Variants in FOXP2 observed in about 807,000 individuals in gnomAD.
FOXP2 encodes the protein forkhead box protein P2.
In FOXP2, 12 loss-of-function variants were observed where a neutral mutation model predicts 115.8. The observed-to-expected ratio is 0.10, with a 90% CI of 0.07 to 0.17. The LOEUF (loss-of-function observed/expected upper bound fraction) is 0.17. FOXP2 is among the 10% of genes least tolerant of loss of function. FOXP2 has a pLI of 1.00. For missense variants in FOXP2, 629 were observed against 843.5 expected (o/e 0.75, Z 3.15); for synonymous variants, 328 against 297.7 (o/e 1.10, Z -1.05).
At chr7:114,525,640 A>T (rs910907452) in intron 2 of FOXP2, among the ~76,000 whole-genome samples, 1 of 152,060 alleles carries the variant, frequency 6.6e-6, no homozygotes, top group Non-Finnish European at 1.5e-5. Context: ...TATTTTCTGA[A>T]TTAGTTGAGA....
chr7:114,673,741 C>T (rs1807612554), intron 16 of FOXP2, among the ~76,000 whole-genome samples: 1 of 151,974 alleles, frequency 6.6e-6, no homozygotes, highest in South Asian at 2.1e-4. Context: ...CTCTTGTTGC[C>T]CAGGCTGGAG....
chr7:114,334,606 A>G (rs1290519108), intron 2 of FOXP2, among the ~76,000 whole-genome samples: 2 of 149,490 alleles, frequency 1.3e-5, no homozygotes, highest in East Asian at 2.0e-4. Flanking sequence ...AAAAAAATCC[A>G]TGTCCCTTTA....
intron 1 of FOXP2, among the ~76,000 whole-genome samples, chr7:114,284,116 C>G (rs1796405057): frequency 6.6e-6 from 1 of 152,112 alleles, no homozygotes; most frequent in Admixed American, 6.6e-5. Flanking sequence ...CATACCTCAA[C>G]AAATTTGTAA....
intron 3 of FOXP2, among the ~76,000 whole-genome samples, chr7:114,535,090 TC>T (rs1227231472): frequency 1.3e-5 from 2 of 151,798 alleles, no homozygotes; most frequent in Non-Finnish European, 3.0e-5. Context: ...AGACAACCCT[TC>T]CGCAGTTGTA....
chr7:114,247,000 G>A (rs1795300896), intron 1 of FOXP2, among the ~76,000 whole-genome samples: 1 of 152,088 alleles, frequency 6.6e-6, no homozygotes, highest in South Asian at 2.1e-4. Context: ...TTCTCCAAAT[G>A]CCTTTATGTT....
intron 3 of FOXP2, among the ~76,000 whole-genome samples, chr7:114,620,525 T>G (rs1346215861): frequency 6.6e-6 from 1 of 152,048 alleles, no homozygotes; most frequent in East Asian, 1.9e-4. Flanking sequence ...TAGAAACCTT[T>G]CAGCAAGACT....
intron 3 of FOXP2, among the ~76,000 whole-genome samples, chr7:114,563,907 T>C (rs767660323): frequency 1.3e-5 from 2 of 152,168 alleles, no homozygotes; most frequent in African/African-American, 4.8e-5. Context: ...GTCAAATCCT[T>C]AGAAGTTAGC....
chr7:114,444,433 G>A (rs1388937650), intron 2 of FOXP2, among the ~76,000 whole-genome samples: 9 of 152,096 alleles, frequency 5.9e-5, no homozygotes, highest in African/African-American at 9.7e-5. Context: ...CAAGTGTGGT[G>A]GTGATTTTTA....
chr7:114,303,631 C>T (rs569756117), intron 2 of FOXP2, among the ~76,000 whole-genome samples: 1 of 152,176 alleles, frequency 6.6e-6, no homozygotes, highest in South Asian at 2.1e-4. Flanking sequence ...TCTTAATCTG[C>T]TCACCATTTT....
At chr7:114,276,775 T>A (rs1796199759) in intron 1 of FOXP2, among the ~76,000 whole-genome samples, 1 of 152,168 alleles carries the variant, frequency 6.6e-6, no homozygotes, top group Non-Finnish European at 1.5e-5. Context: ...CTCTTACAGA[T>A]CTTGGAAGAA....
At chr7:114,188,135 A>G (rs1224229216) in intron 1 of FOXP2, among the ~76,000 whole-genome samples, 1 of 152,170 alleles carries the variant, frequency 6.6e-6, no homozygotes, top group Non-Finnish European at 1.5e-5. Context: ...AGAAAATTTA[A>G]TTTATTTTCC....
chr7:114,101,931 G>GTGTT (rs1440814510), intron 1 of FOXP2, among the ~76,000 whole-genome samples: 6 of 151,412 alleles, frequency 4.0e-5, no homozygotes. Context: ...GTGTGTGTGT[G>GTGTT]TGTGTGTGTC....
At chr7:114,498,406 C>A (rs964151673) in intron 2 of FOXP2, among the ~76,000 whole-genome samples, 3 of 152,088 alleles carry the variant, frequency 2.0e-5, no homozygotes, top group East Asian at 1.9e-4. Context: ...AAAATGCAGT[C>A]CTTCCTTGTT....
intron 1 of FOXP2, among the ~76,000 whole-genome samples, chr7:114,136,796 G>A (rs952182169): frequency 1.3e-5 from 2 of 151,798 alleles, no homozygotes; most frequent in African/African-American, 2.4e-5. Context: ...TACTACAGGA[G>A]AAGCTAGAGA....
At chr7:114,092,966 G>T (rs2129139356) in intron 1 of FOXP2, among the ~76,000 whole-genome samples, 1 of 152,134 alleles carries the variant, frequency 6.6e-6, no homozygotes, top group African/African-American at 2.4e-5. Flanking sequence ...TCTCCTACTT[G>T]AACTGTGGCA....
chr7:114,261,008 CTTCT>C (rs1795735725), intron 1 of FOXP2, among the ~76,000 whole-genome samples: 1 of 152,188 alleles, frequency 6.6e-6, no homozygotes, highest in Admixed American at 6.5e-5. Flanking sequence ...ACTGTCTCTA[CTTCT>C]TTCTTCTTAA....
intron 2 of FOXP2, among the ~76,000 whole-genome samples, chr7:114,291,829 A>G (rs949326009): frequency 6.9e-6 from 1 of 144,094 alleles, no homozygotes; most frequent in Admixed American, 7.4e-5. Flanking sequence ...TATAATACAT[A>G]TATAATGTTT....
At chr7:114,647,652 T>C (rs1039020150) in intron 8 of FOXP2, among the ~76,000 whole-genome samples, 8 of 151,964 alleles carry the variant, frequency 5.3e-5, no homozygotes, top group African/African-American at 1.9e-4. Context: ...ATTGAGTATC[T>C]CACTAGATCA....
At chr7:114,618,850 TTAAGTCTCTTGAAGGGGAAGTTCATC>T (rs1183966575) in intron 3 of FOXP2, among the ~76,000 whole-genome samples, 1 of 152,132 alleles carries the variant, frequency 6.6e-6, no homozygotes, top group African/African-American at 2.4e-5. Flanking sequence ...TTACATAGAA[TTAAGTCTCTTGAAGGGGAAGTTCATC>T]TGGGTAAAGA....
Sources: allele counts gnomAD v4.1 joint callset (sites outside exome capture counted in the v4.1 genomes callset), GRCh38; gene constraint gnomAD v4.1.1; transcripts MANE v1.5; gene names NCBI Gene and HGNC (gene_info 2026-07-23, HGNC 2026-07-21).